The following VSIG4 variants were observed in gnomAD, a reference collection of about 807,000 sequenced individuals.
VSIG4 encodes V-set and immunoglobulin domain-containing protein 4.
Under a neutral mutation model 23.4 loss-of-function variants are expected in VSIG4, and 34 were observed. That is an observed-to-expected ratio of 1.45 (90% CI 1.10 to 1.93). VSIG4 has a LOEUF of 1.93. Among genes scored for constraint, VSIG4 ranks in the 30% most tolerant of loss-of-function variants. VSIG4 has a pLI of 0.00. For synonymous variants in VSIG4, 169 were observed against 120.3 expected, an observed-to-expected ratio of 1.41 and a Z score of -2.65; for missense variants, 433 against 310.8, an observed-to-expected ratio of 1.39 and a Z score of -2.96.
At chrX:66,037,757 C>CGTATATATACTTATTGCTGATAA (rs1444300095) in intron 1 of VSIG4, among the ~76,000 whole-genome samples, 4,941 of 80,086 alleles carry the variant, frequency 0.062, 315 homozygotes, top group Middle Eastern at 0.099. Flanking sequence ...ATTACTGATA[C>CGTATATATACTTATTGCTGATAA]GTATATATAC....
At chrX:66,027,877 G>A (rs979270830) in intron 4 of VSIG4, among the ~76,000 whole-genome samples, 173 bp downstream of exon 4, 2 of 112,308 alleles carry the variant, frequency 1.8e-5, no homozygotes, top group African/African-American at 6.5e-5. Context: ...CAAAAAAAGA[G>A]TATATATTCA....
At chrX:66,035,780 C>A (rs1020558386) in intron 1 of VSIG4, among the ~76,000 whole-genome samples, 9 of 112,402 alleles carry the variant, frequency 8.0e-5, no homozygotes, top group African/African-American at 2.9e-4. Context: ...TTCCTCTGGA[C>A]TTTCCCAATG....
At chrX:66,023,282 C>A (rs148085028) in intron 6 of VSIG4, among the ~76,000 whole-genome samples, 1 of 110,253 alleles carries the variant, frequency 9.1e-6, no homozygotes, top group African/African-American at 3.3e-5. Flanking sequence ...TGGCCGTGAC[C>A]CAAGACATTC....
chrX:66,022,059 G>A lies in VSIG4; in HGVS notation c.*204C>T, dbSNP rs1375775987. On this transcript the variant is annotated 3_prime_UTR_variant, in exon 8 of 8. Coordinates refer to ENST00000374737, the MANE Select transcript of VSIG4 (RefSeq NM_007268.3). ...AGCCCCCGGCAGAGATACTAGAAGG[G>A]CCCAGAGCCAAATCCAGCAGCTGGC... The A allele has an allele frequency of 1.7e-6, 2 of 1,161,394 alleles. No individual in the cohort carries two copies. Among genetic ancestry groups the A allele is most frequent in the Admixed American group, 2.6e-5 (1 of 38,383 alleles).
chrX:66,039,081 T>G (rs1022106371), intron 1 of VSIG4, among the ~76,000 whole-genome samples: 2 of 111,943 alleles, frequency 1.8e-5, no homozygotes, highest in Non-Finnish European at 3.8e-5. Context: ...TAGTCCATCC[T>G]CCTTTGGGAT....
chrX:66,030,958 G>A (rs2085457359), intron 3 of VSIG4, among the ~76,000 whole-genome samples: 1 of 110,974 alleles, frequency 9.0e-6, no homozygotes, highest in Non-Finnish European at 1.9e-5. Flanking sequence ...GTTCCGTAGG[G>A]CAGAGGTGAA....
intron 5 of VSIG4, 21 bp from the exon 6 acceptor site, chrX:66,025,150 A>C: frequency 1.8e-6 from 2 of 1,099,776 alleles, no homozygotes; most frequent in South Asian, 2.1e-5. Flanking sequence ...AAACAAGATC[A>C]AGTGGTATTT....
chrX:66,032,417 T>C, intron 3 of VSIG4, 51 bp downstream of exon 3: 1 of 1,171,314 alleles, frequency 8.5e-7, no homozygotes, highest in Non-Finnish European at 1.1e-6. Flanking sequence ...TGAGGTATCT[T>C]TGTTTCAAGC....
At chrX:66,039,260 G>T (rs992217267) in intron 1 of VSIG4, among the ~76,000 whole-genome samples, 1 of 112,007 alleles carries the variant, frequency 8.9e-6, no homozygotes, top group Non-Finnish European at 1.9e-5. Context: ...TGTCCTCAGG[G>T]CTTTGAAGGG....
chrX:66,021,771 GGA>G lies in VSIG4; in HGVS notation c.*490_*491del, dbSNP rs1486906183. On this transcript the variant is annotated 3_prime_UTR_variant, in exon 8 of 8. Coordinates refer to ENST00000374737, the MANE Select transcript of VSIG4 (RefSeq NM_007268.3). The stretch of plus-strand genomic sequence containing the variant: ...ATGATTAGATATTTATTGAGCACCA[GGA>G]GAGAGTCAGAACATTAGACTTATAG... 2 of 230,720 alleles carry G rather than the reference GGA, an allele frequency of 8.7e-6. No individual in the cohort carries two copies. Among genetic ancestry groups the G allele is most frequent in the Admixed American group, 1.1e-4 (2 of 18,114 alleles). The allele number at this position is 230,720 out of a possible 1,213,427, so 19.0% of individuals were successfully genotyped here.
At chrX:66,027,784 A>G (rs772861007) in intron 4 of VSIG4, among the ~76,000 whole-genome samples, 1 of 112,540 alleles carries the variant, frequency 8.9e-6, no homozygotes, top group East Asian at 2.8e-4. Context: ...CTAGGAGCAG[A>G]ATAGAATTTA....
intron 1 of VSIG4, 100 bp from the exon 2 acceptor site, chrX:66,033,930 C>T (rs1286335629): frequency 1.5e-6 from 1 of 656,716 alleles, no homozygotes; most frequent in South Asian, 2.8e-5. Flanking sequence ...TGAGAAATGC[C>T]ACTCAACTTT....
At position 66,033,513 on chromosome X, in the gene VSIG4, C is replaced by T; in HGVS notation, c.373G>A (p.Val125Ile). 1.7e-6 allele frequency: 2 copies of T among 1,211,051 alleles called. No homozygotes were observed. The highest frequency in any genetic ancestry group is 3.0e-5 in the East Asian group (1 of 33,838). ...AGCTCAGTAATCTTATCTCTCACGACTTGGTTGCCATCAGGAGTCTGCCAG... is the reference window on the plus strand; with the variant it reads ...AGCTCAGTAATCTTATCTCTCACGATTTGGTTGCCATCAGGAGTCTGCCAG... ...VTWQTPDGNQ[V>I]VRDKITELRV... Residue 125 changes from valine (V) to isoleucine (I), a missense_variant, in exon 2 of 8, where the codon GTC becomes ATC. By Grantham distance (29) the Val-to-Ile change is conservative (BLOSUM62 3). Coordinates refer to ENST00000374737, the MANE Select transcript of VSIG4 (RefSeq NM_007268.3).
chrX:66,033,898 G>A (rs1427661603), intron 1 of VSIG4, 68 bp from the exon 2 acceptor site: 1 of 874,574 alleles, frequency 1.1e-6, no homozygotes, highest in Non-Finnish European at 1.6e-6. Context: ...TAAGGTGACA[G>A]TGACAAACCT....
intron 1 of VSIG4, 77 bp downstream of exon 1, chrX:66,039,867 T>C (rs1485578610): frequency 5.3e-6 from 6 of 1,129,141 alleles, no homozygotes; most frequent in Non-Finnish European, 7.3e-6. Flanking sequence ...AGGCTTTCCA[T>C]AGTAGACATT....
rs747390699 is a variant in VSIG4, at chrX:66,032,782, G to A, written c.413-33C>T. 2.4e-5 allele frequency: 28 copies of A among 1,191,184 alleles called. No homozygotes were observed. In the Admixed American group the frequency reaches 6.2e-4, roughly 26 times the overall value. Reference sequence around the variant, plus strand: ...GAAAAGACAAGACAGGAAACTCTGGGCAGTCATAAGGATATGGGACCAAAA... The same window carrying A: ...GAAAAGACAAGACAGGAAACTCTGGACAGTCATAAGGATATGGGACCAAAA... On this transcript the variant is annotated intron_variant, in intron 2 of 7. Transcript: ENST00000374737.
At chrX:66,035,520 A>C (rs1365566483) in intron 1 of VSIG4, among the ~76,000 whole-genome samples, 2 of 111,003 alleles carry the variant, frequency 1.8e-5, no homozygotes, top group Non-Finnish European at 3.8e-5. Flanking sequence ...GTCAAGTGTT[A>C]ATAGGCTATA....
At chrX:66,038,685 G>GT (rs764998257) in intron 1 of VSIG4, among the ~76,000 whole-genome samples, 13 of 111,749 alleles carry the variant, frequency 1.2e-4, no homozygotes, top group East Asian at 2.8e-4. Flanking sequence ...AAAGAAAAAT[G>GT]TTTTTTCAGG....
chrX:66,037,248 T>A (rs2085602501), intron 1 of VSIG4, among the ~76,000 whole-genome samples: 3 of 2,329 alleles, frequency 1.3e-3, no homozygotes, highest in Non-Finnish European at 2.5e-3. Context: ...TATAATATAA[T>A]ATATAATATA....
Sources: gnomAD v4.1 joint callset for allele counts (sites outside exome capture counted in the v4.1 genomes callset) on GRCh38, gnomAD v4.1.1 for gene constraint, MANE v1.5 for transcripts, NCBI Gene and HGNC (gene_info 2026-07-23, HGNC 2026-07-21) for gene names.